GGA1: variants seen among roughly 807,000 people sequenced by gnomAD.
GGA1 encodes the protein ADP-ribosylation factor-binding protein GGA1.
GGA1 carries 18 observed loss-of-function variants against 76.9 expected under a neutral mutation model. The ratio of observed to expected loss-of-function variants is 0.23; its 90% confidence interval spans 0.16 to 0.35. The LOEUF is 0.35. Among genes scored for constraint, GGA1 ranks in the 10% least tolerant of loss-of-function variants. The pLI, the probability that GGA1 is intolerant of heterozygous loss-of-function variation, is 1.00. For missense variants in GGA1, 755 were observed against 859.0 expected (o/e 0.88, Z 1.51); for synonymous variants, 342 against 354.7 (o/e 0.96, Z 0.40).
intron 4 of GGA1, chr22:37,619,750 G>C: frequency 1.3e-6 from 1 of 775,558 alleles, no homozygotes. Flanking sequence ...CCCATCCTTT[G>C]ACCAGAGCTA....
chr22:37,617,486 C>T (rs867011742), intron 3 of GGA1: 3 of 993,574 alleles, frequency 3.0e-6, no homozygotes, highest in South Asian at 8.9e-5. Flanking sequence ...TACCAACCCA[C>T]CATGGAGCAA....
Position 37,625,754 on chromosome 22 carries a change from C to T in GGA1, c.941-43C>T. On this transcript the variant is annotated intron_variant, in intron 10 of 16. Transcript: ENST00000343632. The surrounding 1 kb of genome is among the most constrained non-coding windows in gnomAD (Gnocchi z 4.1). ...CAACCCCTGTGGACTCTGAGAGACACGTGTACACCCAGGACTTGCCAGCCT... is the reference window on the plus strand; with the variant it reads ...CAACCCCTGTGGACTCTGAGAGACATGTGTACACCCAGGACTTGCCAGCCT... 4 of 1,487,362 alleles carry T rather than the reference C, an allele frequency of 2.7e-6. No individual in the cohort carries two copies. Among genetic ancestry groups the T allele is most frequent in the South Asian group, 1.3e-5 (1 of 75,128 alleles). The allele number at this position is 1,487,362 out of a possible 1,614,324, so 92.1% of individuals were successfully genotyped here.
At chr22:37,631,730 G>A (rs1931831387) in intron 14 of GGA1, among the ~76,000 whole-genome samples, 1 of 152,186 alleles carries the variant, frequency 6.6e-6, no homozygotes. Flanking sequence ...CAGCCACACA[G>A]CATCGGGGGA....
chr22:37,618,523 CTCA>C lies in GGA1; in HGVS notation c.284_286del (p.Ile95del). ...GGGCAAGTTCCGCTTTCTCAACGAG[CTCA>C]TCAAGGTCGTGTCTCCCAAGGTTGG... On this transcript the variant is annotated inframe_deletion, in exon 4 of 17. Transcript: ENST00000343632. 6.2e-7 allele frequency: 1 copy of C among 1,612,000 alleles called. No individual in the cohort carries two copies. The highest frequency in any genetic ancestry group is 8.5e-7 in the Non-Finnish European group (1 of 1,178,052).
Position 37,633,049 on chromosome 22 carries a change from G to T in GGA1, c.*338G>T. 1 of 267,888 alleles carries T rather than the reference G, an allele frequency of 3.7e-6. No individual in the cohort carries two copies. The highest frequency in any genetic ancestry group is 7.3e-6 in the Non-Finnish European group (1 of 136,900). 16.6% of individuals were successfully genotyped at this position (267,888 alleles called of 1,614,324 possible). ...GGGAAGGGCCAGGACCTCAGGCCCA[G>T]CCCCAACCCCAGCTGGGGTGGGGTC... On this transcript the variant is annotated 3_prime_UTR_variant, in exon 17 of 17. Coordinates refer to ENST00000343632, the MANE Select transcript of GGA1 (RefSeq NM_013365.5).
At chr22:37,616,325 C>T (rs538498336) in intron 2 of GGA1, among the ~76,000 whole-genome samples, 2 of 152,292 alleles carry the variant, frequency 1.3e-5, no homozygotes, top group African/African-American at 2.4e-5. Context: ...GAACTTCCCA[C>T]GGTGAGGCGG....
At chr22:37,622,536 A>C (rs556443410) in intron 7 of GGA1, among the ~76,000 whole-genome samples, 80 of 151,212 alleles carry the variant, frequency 5.3e-4, no homozygotes, top group African/African-American at 1.9e-3. Context: ...TCCCACCTCA[A>C]CCTCCCAAGT....
Position 37,625,396 on chromosome 22 carries a change from C to T in GGA1, c.940+320C>T, listed in dbSNP as rs979405395. On this transcript the variant is annotated intron_variant, in intron 10 of 16. Transcript: ENST00000343632. This position sits in a 1 kb window ranked among gnomAD's most constrained non-coding sequence, Gnocchi z 4.1. ...CAGAGGCTTTATGTATCAGAAAATG[C>T]GAGGGGGGTTAGAAAAGTAAACATT... Among the ~76,000 whole-genome samples the T allele has an allele frequency of 2.0e-5, 3 of 151,842 alleles. No homozygotes were observed. Among genetic ancestry groups the T allele is most frequent in the South Asian group, 2.1e-4 (1 of 4,818 alleles).
At chr22:37,628,058 C>A (rs1230126092) in intron 11 of GGA1, among the ~76,000 whole-genome samples, 2 of 152,186 alleles carry the variant, frequency 1.3e-5, no homozygotes, top group African/African-American at 4.8e-5. Context: ...GAACTCCTGG[C>A]CTCAAGTGAT....
At chr22:37,616,795 G>A in intron 2 of GGA1, 127 bp from the exon 3 acceptor site, 2 of 1,223,212 alleles carry the variant, frequency 1.6e-6, no homozygotes, top group Admixed American at 3.3e-5. Flanking sequence ...GGCTGGGGTG[G>A]TGACCCTCCC....
At chr22:37,617,316 C>T in intron 3 of GGA1, 2 of 1,254,432 alleles carry the variant, frequency 1.6e-6, no homozygotes, top group Non-Finnish European at 1.0e-6. Flanking sequence ...AGGGCTCCAC[C>T]CAGACCTGCC....
At position 37,630,971 on chromosome 22, in the gene GGA1, C is replaced by T. The variant is rs1388066376; in HGVS notation, c.1400C>T (p.Ser467Phe). ...CAGAATAAGAGCAGCAGCTGCAGCT[C>T]CCCCAGCTCCAGCGCCACCAGCCTT... ...DLQNKSSSCS[S>F]PSSSATSLLH... is the part of the protein sequence containing the mutation. Residue 467 changes from serine (S) to phenylalanine (F), a missense_variant, in exon 14 of 17, where the codon TCC (serine) becomes TTC (phenylalanine). Coordinates refer to ENST00000343632, the MANE Select transcript of GGA1 (RefSeq NM_013365.5). 2 of 1,612,792 alleles carry T rather than the reference C, an allele frequency of 1.2e-6. No individual in the cohort carries two copies. Among genetic ancestry groups the T allele is most frequent in the Admixed American group, 3.3e-5 (2 of 59,916 alleles).
intron 6 of GGA1, 139 bp downstream of exon 6, chr22:37,621,052 T>G: frequency 1.5e-6 from 1 of 664,250 alleles, no homozygotes; most frequent in Non-Finnish European, 2.8e-6. Context: ...TGATGGGCGC[T>G]GTTTACTGGG....
Position 37,616,344 on chromosome 22 carries a change from G to A in GGA1, c.129-578G>A, listed in dbSNP as rs1004344900. Among the ~76,000 whole-genome samples, 9 of 152,254 alleles carry A rather than the reference G, an allele frequency of 5.9e-5. No homozygotes were observed. In the South Asian group the frequency reaches 6.2e-4, roughly 11 times the overall value. ...TTCCCACGGTGAGGCGGGAATGACC[G>A]TGCTGCCTGCCTTATGCAGCTTAGG... On this transcript the variant is annotated intron_variant, in intron 2 of 16. Transcript: ENST00000343632.
chr22:37,631,190 G>A, intron 14 of GGA1, 91 bp downstream of exon 14: 1 of 1,060,498 alleles, frequency 9.4e-7, no homozygotes, highest in Non-Finnish European at 1.3e-6. Flanking sequence ...GGAAAGCAGG[G>A]CTCCCCTGGC....
chr22:37,618,882 C>T (rs866588399), intron 4 of GGA1, among the ~76,000 whole-genome samples: 3 of 152,182 alleles, frequency 2.0e-5, no homozygotes, highest in African/African-American at 7.2e-5. Context: ...TGAAATCACT[C>T]CCTGTGGACC....
chr22:37,626,129 GT>G (rs1930784849), intron 11 of GGA1, 180 bp downstream of exon 11: 3 of 441,288 alleles, frequency 6.8e-6, no homozygotes, highest in Admixed American at 4.1e-5. Context: ...TTAGGAGCTT[GT>G]GCGAGGCCAC....
chr22:37,618,394 G>GC, intron 3 of GGA1, 54 bp from the exon 4 acceptor site: 9 of 1,084,190 alleles, frequency 8.3e-6, no homozygotes, highest in Non-Finnish European at 1.3e-5. Flanking sequence ...TGGGAGGGAG[G>GC]CCACGGCCTC....
intron 4 of GGA1, chr22:37,619,670 C>T (rs941767670): frequency 3.2e-6 from 2 of 621,012 alleles, no homozygotes; most frequent in African/African-American, 3.7e-5. Flanking sequence ...GCCATGGCCT[C>T]CGGCCTACTG....
Sources: gnomAD v4.1 joint callset for allele counts (sites outside exome capture counted in the v4.1 genomes callset) on GRCh38, gnomAD v4.1.1 for gene constraint, Gnocchi (gnomAD v3.1) non-coding constraint, MANE v1.5 for transcripts, NCBI Gene and HGNC (gene_info 2026-07-23, HGNC 2026-07-21) for gene names.